Variants in LRRC4C observed in about 807,000 individuals in gnomAD.
The protein encoded by LRRC4C is leucine-rich repeat-containing protein 4C.
LRRC4C carries 5 observed loss-of-function variants against 33.6 expected under a neutral mutation model. That is an observed-to-expected ratio of 0.15 (90% CI 0.08 to 0.31). The LOEUF (loss-of-function observed/expected upper bound fraction) is 0.31, where lower values mean the gene tolerates loss of function less well. Among genes scored for constraint, LRRC4C ranks in the 10% least tolerant of loss-of-function variants. LRRC4C has a pLI of 1.00. For missense variants in LRRC4C, 560 were observed against 796.7 expected, an observed-to-expected ratio of 0.70 and a Z score of 3.58; for synonymous variants, 329 against 302.0, an observed-to-expected ratio of 1.09 and a Z score of -0.93.
intron 1 of LRRC4C, among the ~76,000 whole-genome samples, chr11:41,385,140 G>T (rs1011404988): frequency 2.3e-4 from 34 of 151,108 alleles, no homozygotes; most frequent in African/African-American, 7.7e-4. Context: ...ACTACAAAGA[G>T]AAATAGTTAA....
chr11:40,761,238 T>C (rs1434328672), intron 2 of LRRC4C, among the ~76,000 whole-genome samples: 1 of 152,098 alleles, frequency 6.6e-6, no homozygotes, highest in Non-Finnish European at 1.5e-5. Context: ...CATGGGCAGT[T>C]TATGCCACAT....
intron 1 of LRRC4C, among the ~76,000 whole-genome samples, chr11:41,336,379 C>G (rs114886571): frequency 0.018 from 2,746 of 151,382 alleles, 83 homozygotes; most frequent in African/African-American, 0.061. Flanking sequence ...TATATGCAAA[C>G]CCTTCTCCTT....
intron 2 of LRRC4C, among the ~76,000 whole-genome samples, chr11:40,765,623 G>C (rs979451957): frequency 1.3e-5 from 2 of 151,940 alleles, no homozygotes; most frequent in Non-Finnish European, 2.9e-5. Context: ...ATTTAACAAA[G>C]TGATTAGAAA....
At chr11:40,283,589 C>A (rs971364505) in intron 4 of LRRC4C, among the ~76,000 whole-genome samples, 1 of 151,546 alleles carries the variant, frequency 6.6e-6, no homozygotes, top group African/African-American at 2.4e-5. Flanking sequence ...TGTGTTAGAT[C>A]AGGCCACTCA....
rs1180446582 is a variant in LRRC4C, at chr11:41,298,306, T to G, written c.-496+161125A>C. On this transcript the variant is annotated intron_variant, in intron 1 of 6. Transcript: ENST00000528697. ...AGAAGGTCTCTCTCCTAGCAAGGCC[T>G]TGTCTTTTTTTCCCAGAAGTCATGC... Among the ~76,000 whole-genome samples the G allele has an allele frequency of 4.6e-5, 7 of 152,260 alleles. No individual in the cohort carries two copies. In the East Asian group the frequency reaches 1.4e-3, roughly 29 times the overall value.
At chr11:40,904,255 A>G (rs1316039680) in intron 2 of LRRC4C, among the ~76,000 whole-genome samples, 2 of 152,202 alleles carry the variant, frequency 1.3e-5, no homozygotes, top group Non-Finnish European at 2.9e-5. Flanking sequence ...ATTAATTCAG[A>G]CAAGATACAC....
rs546128573 is a variant in LRRC4C at position 40,492,287 on chromosome 11, T to G, written c.-270+155855A>C. ...CTTGAGTCATATTTCTAGAACCTTT[T>G]ATTACTTTAATGATTGGTTAATCGA... On this transcript the variant is annotated intron_variant, in intron 3 of 6. Transcript: ENST00000528697. 2.6e-5 allele frequency among the ~76,000 whole-genome samples: 4 copies of G among 152,334 alleles called. No homozygotes were observed. The South Asian group carries it at 8.3e-4, about 32-fold the overall frequency.
intron 5 of LRRC4C, among the ~76,000 whole-genome samples, chr11:40,190,535 T>C (rs899345752): frequency 1.4e-4 from 22 of 152,200 alleles, no homozygotes; most frequent in Admixed American, 9.2e-4. Context: ...TATGTTTTGA[T>C]TGGACACAGA....
intron 1 of LRRC4C, among the ~76,000 whole-genome samples, chr11:41,190,209 T>C (rs1227339046): frequency 6.6e-6 from 1 of 152,180 alleles, no homozygotes; most frequent in Non-Finnish European, 1.5e-5. Flanking sequence ...CCTGATCACT[T>C]GTCCTTCCAC....
At chr11:41,035,973 C>T (rs1191785975) in intron 1 of LRRC4C, among the ~76,000 whole-genome samples, 1 of 151,952 alleles carries the variant, frequency 6.6e-6, no homozygotes, top group Non-Finnish European at 1.5e-5. Flanking sequence ...GAGGACTCTG[C>T]ATTCTTGAAA....
At chr11:40,166,665 G>GA (rs1859622960) in intron 5 of LRRC4C, among the ~76,000 whole-genome samples, 1 of 152,028 alleles carries the variant, frequency 6.6e-6, no homozygotes, top group Non-Finnish European at 1.5e-5. Context: ...ATTTAGACAT[G>GA]ATTTAAACAA....
chr11:41,033,704 T>A (rs1444633082), intron 1 of LRRC4C, among the ~76,000 whole-genome samples: 2 of 152,034 alleles, frequency 1.3e-5, no homozygotes, highest in Non-Finnish European at 2.9e-5. Context: ...TTAGGGCATT[T>A]CTTCTAAGTC....
intron 5 of LRRC4C, among the ~76,000 whole-genome samples, chr11:40,221,193 T>C (rs1307801393): frequency 6.6e-6 from 1 of 152,190 alleles, no homozygotes; most frequent in Non-Finnish European, 1.5e-5. Flanking sequence ...GTATCTCTAA[T>C]GTACTTTCTG....
At chr11:40,825,939 C>T (rs1952144449) in intron 2 of LRRC4C, among the ~76,000 whole-genome samples, 2 of 30,558 alleles carry the variant, frequency 6.5e-5, no homozygotes, top group Non-Finnish European at 8.9e-5. Flanking sequence ...ATATTGTATT[C>T]TGGGGGGGGG....
At chr11:41,306,233 A>G (rs1262883116) in intron 1 of LRRC4C, among the ~76,000 whole-genome samples, 3 of 152,196 alleles carry the variant, frequency 2.0e-5, no homozygotes, top group African/African-American at 7.2e-5. Flanking sequence ...TCTCTTTTAT[A>G]ACATACAACG....
intron 2 of LRRC4C, among the ~76,000 whole-genome samples, chr11:40,696,517 T>C (rs1445096377): frequency 6.7e-6 from 1 of 148,910 alleles, no homozygotes; most frequent in Middle Eastern, 3.6e-3. Flanking sequence ...TCCCTGGAAG[T>C]GCCAGAGAGT....
chr11:40,865,601 A>T (rs974871710), intron 2 of LRRC4C, among the ~76,000 whole-genome samples: 2 of 151,406 alleles, frequency 1.3e-5, no homozygotes, highest in Admixed American at 6.6e-5. Flanking sequence ...AAAATAAATA[A>T]ATTTGTAATA....
chr11:40,822,511 C>T (rs1278180742), intron 2 of LRRC4C, among the ~76,000 whole-genome samples: 1 of 151,486 alleles, frequency 6.6e-6, no homozygotes, highest in Non-Finnish European at 1.5e-5. Flanking sequence ...GGTTTTCTTT[C>T]TTTTAGGATT....
At chr11:40,992,487 T>G (rs952054385) in intron 1 of LRRC4C, among the ~76,000 whole-genome samples, 2 of 151,964 alleles carry the variant, frequency 1.3e-5, no homozygotes, top group Non-Finnish European at 2.9e-5. Flanking sequence ...GGGCGGGATC[T>G]TAACATCAGC....
Sources: gnomAD v4.1 joint callset for allele counts (sites outside exome capture counted in the v4.1 genomes callset) on GRCh38, gnomAD v4.1.1 for gene constraint, MANE v1.5 for transcripts, NCBI Gene and HGNC (gene_info 2026-07-23, HGNC 2026-07-21) for gene names.